Variants in KCMF1 observed in about 807,000 individuals in gnomAD.
The protein encoded by KCMF1 is potassium channel modulatory factor 1.
Under a neutral mutation model 41.1 loss-of-function variants are expected in KCMF1, and 3 were observed. The observed-to-expected ratio is 0.07, with a 90% CI of 0.03 to 0.19. KCMF1 has a LOEUF of 0.19. Ranked by LOEUF, KCMF1 falls within the 10% of genes least tolerant of loss-of-function variation. The pLI is 1.00. For missense variants in KCMF1, 286 were observed against 488.9 expected (o/e 0.58, Z 3.91); for synonymous variants, 142 against 164.5 (o/e 0.86, Z 1.04).
chr2:85,014,054 G>A (rs1674710445), intron 1 of KCMF1: 3 of 152,172 alleles, frequency 2.0e-5, no homozygotes, highest in Admixed American at 6.5e-5. Flanking sequence ...TGCATTGCCT[G>A]TAAGTTGTGC....
Position 85,056,189 on chromosome 2 carries a change from G to T in KCMF1, c.*2780G>T, listed in dbSNP as rs1476456771. On this transcript the variant is annotated 3_prime_UTR_variant, in exon 7 of 7. Transcript: ENST00000409785. ...TAGTGGATTCTTATAATTAGGCTCA[G>T]GTAAAGTAAGAGAAAACTTCTCTCC... 1 of 150,892 alleles carries T rather than the reference G, an allele frequency of 6.6e-6. No homozygotes were observed. Among genetic ancestry groups the T allele is most frequent in the Non-Finnish European group, 1.5e-5 (1 of 67,912 alleles). 9.3% of individuals were successfully genotyped at this position (150,892 alleles called of 1,614,324 possible). A position where few individuals can be genotyped will look rare whatever the true frequency, so the allele number is the denominator to read the frequency against.
At chr2:85,007,604 G>A (rs1041502664) in intron 1 of KCMF1, among the ~76,000 whole-genome samples, 2 of 152,174 alleles carry the variant, frequency 1.3e-5, no homozygotes, top group African/African-American at 2.4e-5. Context: ...CTTAAGGCGA[G>A]ATCAGGAACT....
chr2:85,005,970 C>T (rs909376005), intron 1 of KCMF1, among the ~76,000 whole-genome samples: 3 of 147,562 alleles, frequency 2.0e-5, no homozygotes. Flanking sequence ...GTTAACTAAG[C>T]ATACTTCTTT....
intron 1 of KCMF1, among the ~76,000 whole-genome samples, chr2:84,974,952 C>T (rs902844680): frequency 7.2e-5 from 11 of 151,726 alleles, no homozygotes; most frequent in Non-Finnish European, 1.3e-4. Context: ...CGTGATCCGC[C>T]GGCCTCGGCC....
intron 1 of KCMF1, among the ~76,000 whole-genome samples, chr2:85,007,280 C>T (rs1033653063): frequency 3.9e-5 from 6 of 152,160 alleles, no homozygotes; most frequent in Non-Finnish European, 8.8e-5. Context: ...GCCCAGGTCT[C>T]ACCATGTGAG....
chr2:84,982,752 G>T (rs1309291490), intron 1 of KCMF1, among the ~76,000 whole-genome samples: 2 of 152,142 alleles, frequency 1.3e-5, no homozygotes, highest in Non-Finnish European at 2.9e-5. Context: ...GTTGGATGGT[G>T]AATGGGAACC....
chr2:85,042,910 G>T (rs1429545600), intron 3 of KCMF1, among the ~76,000 whole-genome samples: 1 of 152,090 alleles, frequency 6.6e-6, no homozygotes, highest in African/African-American at 2.4e-5. Context: ...TTGCCAAGAG[G>T]CCCATGGAAA....
rs188438200 is a variant in KCMF1, at chr2:85,002,461, C to G, written c.17-25428C>G. Among the ~76,000 whole-genome samples the G allele has an allele frequency of 7.0e-4, 107 of 152,192 alleles. 1 individual carries two copies. The highest frequency in any genetic ancestry group is 6.7e-3 in the East Asian group (35 of 5,188). On this transcript the variant is annotated intron_variant, in intron 1 of 6. Coordinates refer to ENST00000409785, the MANE Select transcript of KCMF1 (RefSeq NM_020122.5). ...TAATTTTTGATTTACAGAAAAGTTGCAAAGGTAGTATAGAGACTTCCCATA... is the reference window on the plus strand; with the variant it reads ...TAATTTTTGATTTACAGAAAAGTTGGAAAGGTAGTATAGAGACTTCCCATA...
intron 1 of KCMF1, among the ~76,000 whole-genome samples, chr2:85,021,065 C>T (rs954577618): frequency 9.2e-5 from 14 of 152,154 alleles, no homozygotes; most frequent in African/African-American, 3.4e-4. Flanking sequence ...TCTTCACGCA[C>T]TAAATGTTAG....
chr2:84,980,456 G>A (rs186185176), intron 1 of KCMF1, among the ~76,000 whole-genome samples: 17 of 152,254 alleles, frequency 1.1e-4, no homozygotes, highest in African/African-American at 3.4e-4. Context: ...AACAAGAGAT[G>A]AATGAATTGC....
chr2:85,024,577 AGAGAGAGT>A (rs879941455), intron 1 of KCMF1, among the ~76,000 whole-genome samples: 1,613 of 143,442 alleles, frequency 0.011, 23 homozygotes, highest in East Asian at 0.033. Context: ...AGAGAGAGAG[AGAGAGAGT>A]GTGTGTGTGT....
At chr2:84,993,187 A>C (rs1674087418) in intron 1 of KCMF1, among the ~76,000 whole-genome samples, 1 of 151,634 alleles carries the variant, frequency 6.6e-6, no homozygotes, top group South Asian at 2.1e-4. Context: ...ACCCTGTGTC[A>C]GAAAAAAAAA....
At chr2:85,024,185 C>T (rs576751370) in intron 1 of KCMF1, among the ~76,000 whole-genome samples, 96 of 152,194 alleles carry the variant, frequency 6.3e-4, no homozygotes, top group African/African-American at 2.1e-3. Flanking sequence ...TGTGAAAAGA[C>T]GAAGAAAAAG....
Position 85,053,304 on chromosome 2 carries a change from T to C in KCMF1, c.1041T>C (p.Phe347=). 1 of 1,613,980 alleles carries C rather than the reference T, an allele frequency of 6.2e-7. No individual in the cohort carries two copies. Among genetic ancestry groups the C allele is most frequent in the Non-Finnish European group, 8.5e-7 (1 of 1,179,892 alleles). ...ATGATCGGGGGGAGATGGCAGATTT[T>C]GGTGCTATGGGCTGTGTAGATATTA... ...DEDDRGEMAD[F]GAMGCVDIMP... The change falls in exon 7 of 7, where the codon TTT becomes TTC. Residue 347 remains phenylalanine, a synonymous_variant. Coordinates refer to ENST00000409785, the MANE Select transcript of KCMF1 (RefSeq NM_020122.5).
chr2:85,013,212 G>A (rs1355239774), intron 1 of KCMF1, among the ~76,000 whole-genome samples: 2 of 152,036 alleles, frequency 1.3e-5, no homozygotes, highest in African/African-American at 4.8e-5. Flanking sequence ...CACTAAGTGG[G>A]TACTGCAAGT....
chr2:85,050,268 G>T (rs1046055523), intron 6 of KCMF1, among the ~76,000 whole-genome samples: 1 of 152,056 alleles, frequency 6.6e-6, no homozygotes, highest in Non-Finnish European at 1.5e-5. Context: ...TTCATATTAG[G>T]TGTATTTATC....
At position 85,025,821 on chromosome 2, in the gene KCMF1, CTG is replaced by C. The variant is rs568444972; in HGVS notation, c.17-2066_17-2065del. ...TATTTTTAATAATATGTTTTTCTGT[CTG>C]TTTTGCAGTGAAGAAATACAATCAG... On this transcript the variant is annotated intron_variant, in intron 1 of 6. Coordinates refer to ENST00000409785, the MANE Select transcript of KCMF1 (RefSeq NM_020122.5). 2.7e-3 allele frequency among the ~76,000 whole-genome samples: 405 copies of C among 151,900 alleles called. 3 individuals are homozygous for C. The highest frequency in any genetic ancestry group is 9.5e-3 in the African/African-American group (393 of 41,434).
At chr2:85,003,455 G>A (rs1674382994) in intron 1 of KCMF1, among the ~76,000 whole-genome samples, 1 of 151,902 alleles carries the variant, frequency 6.6e-6, no homozygotes, top group African/African-American at 2.4e-5. Context: ...TCCAGCCTGG[G>A]CGACAGAGTG....
intron 1 of KCMF1, among the ~76,000 whole-genome samples, chr2:84,971,702 G>A (rs2103952896): frequency 6.6e-6 from 1 of 151,050 alleles, no homozygotes; most frequent in East Asian, 2.0e-4. Flanking sequence ...CCGGGCGGCC[G>A]GAGGGTTTGC....
Sources: allele counts gnomAD v4.1 joint callset (sites outside exome capture counted in the v4.1 genomes callset), GRCh38; gene constraint gnomAD v4.1.1; transcripts MANE v1.5; gene names NCBI Gene and HGNC (gene_info 2026-07-23, HGNC 2026-07-21).